Variants in EMCN observed in about 807,000 individuals in gnomAD.
The protein encoded by EMCN is endomucin.
A neutral mutation model predicts 38.4 loss-of-function variants in EMCN; 37 were observed. The observed-to-expected ratio is 0.96, with a 90% CI of 0.74 to 1.27. The LOEUF is 1.27. Ranked by LOEUF, EMCN falls within the 50% of genes most tolerant of loss-of-function variation. EMCN has a pLI of 0.00. For missense variants in EMCN, 318 were observed against 302.8 expected (o/e 1.05, Z -0.37); for synonymous variants, 95 against 100.8 (o/e 0.94, Z 0.35).
At chr4:100,512,993 A>G (rs1729667507) in intron 1 of EMCN, among the ~76,000 whole-genome samples, 1 of 152,166 alleles carries the variant, frequency 6.6e-6, no homozygotes, top group African/African-American at 2.4e-5. Flanking sequence ...AACTTCACCA[A>G]TGAAAAGGAA....
chr4:100,416,083 T>C, intron 9 of EMCN, 124 bp from the exon 10 acceptor site: 1 of 535,286 alleles, frequency 1.9e-6, no homozygotes, highest in Non-Finnish European at 3.3e-6. Flanking sequence ...TGTGTGTGTA[T>C]ATATATACGT....
intron 5 of EMCN, among the ~76,000 whole-genome samples, chr4:100,442,623 A>G (rs1393271374): frequency 6.6e-6 from 1 of 151,696 alleles, no homozygotes; most frequent in Non-Finnish European, 1.5e-5. Flanking sequence ...AACTTCACAG[A>G]TTTTATCTTC....
At chr4:100,437,749 T>C (rs980656773) in intron 5 of EMCN, among the ~76,000 whole-genome samples, 1 of 152,170 alleles carries the variant, frequency 6.6e-6, no homozygotes, top group Non-Finnish European at 1.5e-5. Context: ...CTTTATTCTG[T>C]TTCACTGGTC....
intron 1 of EMCN, among the ~76,000 whole-genome samples, chr4:100,483,871 G>A (rs1728875702): frequency 6.6e-6 from 1 of 152,074 alleles, no homozygotes; most frequent in Admixed American, 6.6e-5. Flanking sequence ...CCTTTTCACA[G>A]GACATGGTGA....
At chr4:100,468,390 T>C (rs1407916707) in intron 3 of EMCN, among the ~76,000 whole-genome samples, 1 of 152,212 alleles carries the variant, frequency 6.6e-6, no homozygotes, top group Non-Finnish European at 1.5e-5. Context: ...ATCTAATGTG[T>C]AGTTACCAAT....
intron 11 of EMCN, among the ~76,000 whole-genome samples, chr4:100,401,099 A>T (rs932556341): frequency 8.5e-5 from 13 of 152,120 alleles, no homozygotes; most frequent in African/African-American, 2.9e-4. Context: ...GCCATAGGAG[A>T]AAAGATCATT....
chr4:100,411,670 T>C (rs1324662673), intron 10 of EMCN, among the ~76,000 whole-genome samples: 1 of 152,196 alleles, frequency 6.6e-6, no homozygotes, highest in Non-Finnish European at 1.5e-5. Flanking sequence ...TAAATTCTTT[T>C]TTATTCTCTA....
chr4:100,476,684 T>C (rs1728660407), intron 2 of EMCN, among the ~76,000 whole-genome samples: 1 of 152,236 alleles, frequency 6.6e-6, no homozygotes, highest in Admixed American at 6.5e-5. Flanking sequence ...AGAAACATGT[T>C]GAATTCTATT....
intron 4 of EMCN, among the ~76,000 whole-genome samples, chr4:100,462,705 A>G (rs1174800634): frequency 1.3e-5 from 2 of 152,166 alleles, no homozygotes; most frequent in Non-Finnish European, 2.9e-5. Flanking sequence ...CCAAACCACT[A>G]CTACACGAAA....
chr4:100,406,804 G>T (rs942003915), intron 11 of EMCN, among the ~76,000 whole-genome samples: 13 of 152,112 alleles, frequency 8.5e-5, no homozygotes, highest in African/African-American at 3.1e-4. Flanking sequence ...CTGTCTTGAT[G>T]ATCTCTCCAA....
chr4:100,424,006 C>CT (rs900521712), intron 5 of EMCN, among the ~76,000 whole-genome samples: 286 of 151,324 alleles, frequency 1.9e-3, no homozygotes, highest in African/African-American at 6.6e-3. Flanking sequence ...CATCCGTGCT[C>CT]TTTTTTTTCC....
intron 1 of EMCN, among the ~76,000 whole-genome samples, chr4:100,510,073 C>G (rs1378141793): frequency 6.6e-6 from 1 of 152,136 alleles, no homozygotes; most frequent in Admixed American, 6.6e-5. Context: ...TACTTAGAAG[C>G]TAGACTCAAA....
intron 5 of EMCN, among the ~76,000 whole-genome samples, 190 bp from the exon 6 acceptor site, chr4:100,423,594 A>G (rs1009658398): frequency 1.3e-5 from 2 of 152,162 alleles, no homozygotes; most frequent in African/African-American, 4.8e-5. Context: ...AATTAAATTT[A>G]GAATCACAAA....
intron 5 of EMCN, among the ~76,000 whole-genome samples, chr4:100,432,807 T>C (rs1289527370): frequency 6.6e-6 from 1 of 152,168 alleles, no homozygotes; most frequent in Admixed American, 6.6e-5. Context: ...ATTATCTTTC[T>C]TTGATCTCTC....
chr4:100,461,551 G>T (rs1038950119), intron 4 of EMCN, among the ~76,000 whole-genome samples: 3 of 151,966 alleles, frequency 2.0e-5, no homozygotes, highest in African/African-American at 7.3e-5. Context: ...AAATAATAAA[G>T]TCAGAGCACT....
chr4:100,465,633 A>G (rs2110263764), intron 3 of EMCN, 94 bp from the exon 4 acceptor site: 2 of 626,400 alleles, frequency 3.2e-6, no homozygotes, highest in Admixed American at 2.9e-5. Context: ...CTTGAAGATT[A>G]ATTTCTAGAA....
intron 11 of EMCN, among the ~76,000 whole-genome samples, chr4:100,402,972 A>G (rs17623414): frequency 0.027 from 4,082 of 152,104 alleles, 195 homozygotes; most frequent in African/African-American, 0.092. Context: ...AGGTTTCCAT[A>G]TATCAGCTAG....
intron 9 of EMCN, among the ~76,000 whole-genome samples, chr4:100,416,574 T>C (rs558992751): frequency 3.3e-5 from 5 of 152,126 alleles, no homozygotes; most frequent in Non-Finnish European, 7.4e-5. Flanking sequence ...TTATGAAACA[T>C]AAAAACACTT....
chr4:100,483,727 A>G (rs1728873074), intron 1 of EMCN, among the ~76,000 whole-genome samples: 1 of 152,136 alleles, frequency 6.6e-6, no homozygotes, highest in African/African-American at 2.4e-5. Context: ...TCTAACTACC[A>G]TGGTTGAAGG....
Sources: allele counts gnomAD v4.1 joint callset (sites outside exome capture counted in the v4.1 genomes callset), GRCh38; gene constraint gnomAD v4.1.1; transcripts MANE v1.5; gene names NCBI Gene and HGNC (gene_info 2026-07-23, HGNC 2026-07-21).